The following CDH12 variants were observed in gnomAD, a reference collection of about 807,000 sequenced individuals.
CDH12 encodes cadherin 12.
A neutral mutation model predicts 74.1 loss-of-function variants in CDH12; 41 were observed. That is an observed-to-expected ratio of 0.55 (90% confidence interval 0.43 to 0.72). The LOEUF (loss-of-function observed/expected upper bound fraction) is 0.72. Ranked by LOEUF, CDH12 falls within the 30% of genes least tolerant of loss-of-function variation. CDH12 has a pLI of 0.00. For synonymous variants in CDH12, 399 were observed against 355.0 expected, an observed-to-expected ratio of 1.12 and a Z score of -1.39; for missense variants, 945 against 977.2, an observed-to-expected ratio of 0.97 and a Z score of 0.44.
Position 22,826,997 on chromosome 5 carries a change from G to T in CDH12, c.-523+26061C>A, listed in dbSNP as rs149393792. ...AGAATGTCAATTCCCAAGACAATGG[G>T]GAAAATATCTCCAGAACATGTAAGA... On this transcript the variant is annotated intron_variant, in intron 1 of 14. Coordinates refer to ENST00000382254, the MANE Select transcript of CDH12 (RefSeq NM_004061.5). Among the ~76,000 whole-genome samples, 928 of 152,264 alleles carry T rather than the reference G, an allele frequency of 6.1e-3. 9 individuals carry two copies. Among genetic ancestry groups the T allele is most frequent in the African/African-American group, 0.021 (870 of 41,550 alleles).
chr5:22,663,534 A>G lies in CDH12; in HGVS notation c.-522-158170T>C, dbSNP rs763169218. On this transcript the variant is annotated intron_variant, in intron 1 of 14. Transcript: ENST00000382254. Reference sequence around the variant, plus strand: ...CATAGGCTATTATGAAAAATAGAAAATAATTCACATACTTTAGTTTGTAAA... The same window carrying G: ...CATAGGCTATTATGAAAAATAGAAAGTAATTCACATACTTTAGTTTGTAAA... 3.2e-4 allele frequency among the ~76,000 whole-genome samples: 48 copies of G among 152,238 alleles called. 1 individual carries two copies. Among genetic ancestry groups the G allele is most frequent in the Non-Finnish European group, 3.4e-4 (23 of 68,032 alleles).
At chr5:22,852,426 A>G (rs1338971379) in intron 1 of CDH12, among the ~76,000 whole-genome samples, 1 of 152,198 alleles carries the variant, frequency 6.6e-6, no homozygotes, top group Non-Finnish European at 1.5e-5. Context: ...ATGATCAATA[A>G]CCTTAAAATA....
In CDH12 at chr5:21,956,672, A is replaced by C. The variant is rs192276404; in HGVS notation, c.526+18419T>G. Among the ~76,000 whole-genome samples the C allele has an allele frequency of 4.0e-5, 6 of 151,432 alleles. No homozygotes were observed. The East Asian group carries it at 1.2e-3, about 30-fold the overall frequency. On this transcript the variant is annotated intron_variant, in intron 6 of 14. Coordinates refer to ENST00000382254, the MANE Select transcript of CDH12 (RefSeq NM_004061.5). ...TTCTTTGGTTTCTTCTGTTACTTCT[A>C]TTTTCTTAGTGTTTATATCATTTCA...
At chr5:22,429,278 T>G (rs575563538) in intron 2 of CDH12, among the ~76,000 whole-genome samples, 1 of 152,074 alleles carries the variant, frequency 6.6e-6, no homozygotes, top group African/African-American at 2.4e-5. Context: ...ACTACAGTCA[T>G]GCACAACCAC....
At chr5:21,842,934 G>A (rs1373104991) in intron 7 of CDH12, among the ~76,000 whole-genome samples, 4 of 152,142 alleles carry the variant, frequency 2.6e-5, no homozygotes, top group African/African-American at 9.7e-5. Context: ...ATGAGTGTAT[G>A]CAAACCAATT....
intron 4 of CDH12, among the ~76,000 whole-genome samples, chr5:22,084,244 T>C (rs184544197): frequency 4.6e-5 from 7 of 152,226 alleles, no homozygotes; most frequent in African/African-American, 1.4e-4. Context: ...TTCCTAGTGA[T>C]CTTGAACTGT....
At chr5:21,883,611 G>A in intron 6 of CDH12, 1 of 1,608,158 alleles carries the variant, frequency 6.2e-7, no homozygotes, top group South Asian at 1.1e-5. Flanking sequence ...TCAGCCTCAT[G>A]ACTTAGGAAA....
chr5:21,931,627 G>A (rs1167224198), intron 6 of CDH12, among the ~76,000 whole-genome samples: 3 of 152,160 alleles, frequency 2.0e-5, no homozygotes, highest in Admixed American at 6.5e-5. Flanking sequence ...ATATTATAGT[G>A]AGCACAGTCT....
At chr5:22,826,322 C>A (rs188448025) in intron 1 of CDH12, among the ~76,000 whole-genome samples, 14 of 152,250 alleles carry the variant, frequency 9.2e-5, no homozygotes, top group Middle Eastern at 3.4e-3. Flanking sequence ...TGATTTTGAG[C>A]CACGTGGAAA....
intron 9 of CDH12, among the ~76,000 whole-genome samples, chr5:21,816,597 C>T (rs1005638463): frequency 2.9e-5 from 3 of 104,402 alleles, no homozygotes; most frequent in African/African-American, 6.7e-5. Flanking sequence ...TGCACTCCAG[C>T]CTGGGTAACA....
At chr5:21,939,471 A>G (rs1313931336) in intron 6 of CDH12, among the ~76,000 whole-genome samples, 1 of 151,822 alleles carries the variant, frequency 6.6e-6, no homozygotes, top group African/African-American at 2.4e-5. Context: ...CATGCTTTTT[A>G]TTTTGTCAAT....
At chr5:22,002,433 T>C (rs1388500115) in intron 5 of CDH12, among the ~76,000 whole-genome samples, 2 of 152,144 alleles carry the variant, frequency 1.3e-5, no homozygotes, top group African/African-American at 4.8e-5. Context: ...AATAATGCAG[T>C]TTTCCATTTT....
intron 4 of CDH12, among the ~76,000 whole-genome samples, chr5:22,209,892 T>C (rs1212840315): frequency 1.3e-5 from 2 of 151,866 alleles, no homozygotes; most frequent in Non-Finnish European, 2.9e-5. Context: ...TAGTATAGAG[T>C]GTATGAGTTT....
intron 1 of CDH12, among the ~76,000 whole-genome samples, chr5:22,697,081 G>A (rs1275194283): frequency 6.6e-6 from 1 of 152,132 alleles, no homozygotes; most frequent in Non-Finnish European, 1.5e-5. Context: ...TTCACTAGGG[G>A]AATCCCTTTA....
chr5:21,962,121 C>T (rs2963642), intron 6 of CDH12, among the ~76,000 whole-genome samples: 42,846 of 151,940 alleles, frequency 0.28, 9,537 homozygotes, highest in African/African-American at 0.62. Context: ...GATCTCTGCA[C>T]TGAAATTTTT....
intron 1 of CDH12, among the ~76,000 whole-genome samples, chr5:22,767,726 A>G (rs945624167): frequency 3.9e-5 from 6 of 151,980 alleles, no homozygotes; most frequent in Admixed American, 3.9e-4. Flanking sequence ...ACAAAATTAT[A>G]CCTACGAGTT....
At chr5:22,076,385 T>C (rs1742317353) in intron 5 of CDH12, among the ~76,000 whole-genome samples, 1 of 152,234 alleles carries the variant, frequency 6.6e-6, no homozygotes, top group South Asian at 2.1e-4. Flanking sequence ...TTCTAATAAA[T>C]GTCAGTTTTA....
chr5:22,765,411 T>A (rs1370730467), intron 1 of CDH12, among the ~76,000 whole-genome samples: 2 of 151,990 alleles, frequency 1.3e-5, no homozygotes, highest in Non-Finnish European at 2.9e-5. Context: ...TTATTGTTAT[T>A]GGAGAGAGTC....
intron 3 of CDH12, among the ~76,000 whole-genome samples, chr5:22,317,895 A>G (rs912490783): frequency 9.2e-5 from 14 of 152,216 alleles, no homozygotes; most frequent in Admixed American, 5.2e-4. Flanking sequence ...TTCACTTGCA[A>G]TCTGTATTTT....
Sources: allele counts gnomAD v4.1 joint callset (sites outside exome capture counted in the v4.1 genomes callset), GRCh38; gene constraint gnomAD v4.1.1; transcripts MANE v1.5; gene names NCBI Gene and HGNC (gene_info 2026-07-23, HGNC 2026-07-21).